CXCL13: variants seen among roughly 807,000 people sequenced by gnomAD.
The protein encoded by CXCL13 is C-X-C motif chemokine ligand 13.
Under a neutral mutation model 12.2 loss-of-function variants are expected in CXCL13, and 7 were observed. That is an observed-to-expected ratio of 0.57 (90% confidence interval 0.33 to 1.07). The LOEUF (loss-of-function observed/expected upper bound fraction) is 1.07. Among genes scored for constraint, CXCL13 ranks in the 50% least tolerant of loss-of-function variants. The pLI is 0.04. For missense variants in CXCL13, 113 were observed against 127.4 expected (o/e 0.89, Z 0.55); for synonymous variants, 47 against 42.4 (o/e 1.11, Z -0.42).
At chr4:77,584,114 T>C (rs1206524582) in intron 1 of CXCL13, among the ~76,000 whole-genome samples, 3 of 152,178 alleles carry the variant, frequency 2.0e-5, no homozygotes, top group African/African-American at 7.2e-5. Flanking sequence ...TTTAGGACAT[T>C]GCATTCAAGT....
At chr4:77,560,328 A>G (rs530920225) in intron 1 of CXCL13, among the ~76,000 whole-genome samples, 3 of 152,320 alleles carry the variant, frequency 2.0e-5, no homozygotes, top group East Asian at 3.9e-4. Context: ...TCCAAAGTCA[A>G]TCTTAGTAAT....
At chr4:77,585,561 C>T (rs1490780715) in intron 1 of CXCL13, among the ~76,000 whole-genome samples, 1 of 152,192 alleles carries the variant, frequency 6.6e-6, no homozygotes. Context: ...CTGCCGTTAG[C>T]TCTGTGCTTG....
chr4:77,530,913 G>T (rs1013985731), intron 1 of CXCL13, among the ~76,000 whole-genome samples: 3 of 151,716 alleles, frequency 2.0e-5, no homozygotes, highest in African/African-American at 7.3e-5. Flanking sequence ...TGGGCATTTA[G>T]TGCTATAAAT....
intron 1 of CXCL13, among the ~76,000 whole-genome samples, chr4:77,546,868 T>A (rs1449283862): frequency 6.6e-6 from 1 of 152,252 alleles, no homozygotes; most frequent in Admixed American, 6.5e-5. Context: ...CTTTCTCTTA[T>A]GGGCATTTAG....
chr4:77,548,720 G>A (rs958307434), intron 1 of CXCL13, among the ~76,000 whole-genome samples: 3 of 152,196 alleles, frequency 2.0e-5, no homozygotes, highest in African/African-American at 7.2e-5. Context: ...AATCTGATGG[G>A]CTTCCCTTTG....
chr4:77,581,170 G>C (rs1487177559), intron 1 of CXCL13, among the ~76,000 whole-genome samples: 2 of 152,272 alleles, frequency 1.3e-5, no homozygotes, highest in East Asian at 1.9e-4. Flanking sequence ...TAAATGCTCT[G>C]TGGTGATGGT....
At chr4:77,522,155 G>T (rs191450819) in intron 1 of CXCL13, among the ~76,000 whole-genome samples, 1 of 152,240 alleles carries the variant, frequency 6.6e-6, no homozygotes, top group Non-Finnish European at 1.5e-5. Context: ...TGGTATAAGG[G>T]CAATGTGGTG....
At chr4:77,530,972 G>T (rs1192057424) in intron 1 of CXCL13, among the ~76,000 whole-genome samples, 1 of 151,530 alleles carries the variant, frequency 6.6e-6, no homozygotes, top group Non-Finnish European at 1.5e-5. Flanking sequence ...CTGGTATCTT[G>T]TGTCTTTGTT....
chr4:77,608,166 C>T (rs929282358), intron 2 of CXCL13, among the ~76,000 whole-genome samples: 1 of 152,112 alleles, frequency 6.6e-6, no homozygotes, highest in African/African-American at 2.4e-5. Flanking sequence ...AGTGGCCAGG[C>T]GTGGTGGCTC....
At chr4:77,583,242 A>G (rs947559695) in intron 1 of CXCL13, among the ~76,000 whole-genome samples, 5 of 152,186 alleles carry the variant, frequency 3.3e-5, no homozygotes, top group African/African-American at 1.2e-4. Context: ...CACTTGAATA[A>G]ATTTAGGCCC....
intron 1 of CXCL13, among the ~76,000 whole-genome samples, chr4:77,566,150 G>A (rs1437447041): frequency 6.6e-6 from 1 of 152,174 alleles, no homozygotes; most frequent in African/African-American, 2.4e-5. Flanking sequence ...TCTAATAAAA[G>A]TATGTGTCAG....
intron 1 of CXCL13, among the ~76,000 whole-genome samples, chr4:77,562,500 C>T (rs1467978806): frequency 6.6e-6 from 1 of 152,036 alleles, no homozygotes; most frequent in Non-Finnish European, 1.5e-5. Context: ...TTTGTGAATG[C>T]ACCAATCAGC....
At chr4:77,567,408 G>C (rs1725965253) in intron 1 of CXCL13, among the ~76,000 whole-genome samples, 1 of 152,292 alleles carries the variant, frequency 6.6e-6, no homozygotes, top group Middle Eastern at 3.4e-3. Flanking sequence ...TTCATTTAAA[G>C]TTAAGAGTGG....
At chr4:77,606,757 G>C (rs950179664) in intron 1 of CXCL13, among the ~76,000 whole-genome samples, 5 of 152,272 alleles carry the variant, frequency 3.3e-5, no homozygotes, top group African/African-American at 1.2e-4. Flanking sequence ...TGGTATTTTA[G>C]TTTTTGTTTG....
intron 1 of CXCL13, among the ~76,000 whole-genome samples, chr4:77,543,829 T>C (rs574505880): frequency 3.3e-5 from 5 of 152,160 alleles, no homozygotes; most frequent in African/African-American, 4.8e-5. Flanking sequence ...ACATGTGCCA[T>C]GTTGGTGTGC....
chr4:77,581,390 T>C (rs1277994751), intron 1 of CXCL13, among the ~76,000 whole-genome samples: 1 of 152,196 alleles, frequency 6.6e-6, no homozygotes, highest in Non-Finnish European at 1.5e-5. Context: ...AAAACAGTTG[T>C]CAAAGTTTAA....
chr4:77,610,784 T>C, intron 3 of CXCL13, 90 bp downstream of exon 3: 1 of 1,036,984 alleles, frequency 9.6e-7, no homozygotes, highest in Non-Finnish European at 1.5e-6. Flanking sequence ...CTAGCTTGAA[T>C]TTATGAGAAG....
At chr4:77,600,902 C>T (rs188882814), upstream of CXCL13, among the ~76,000 whole-genome samples, 1 of 152,232 alleles carries the variant, frequency 6.6e-6, no homozygotes, top group East Asian at 1.9e-4. Context: ...TCAAAAAAAT[C>T]TCAAACCTCA....
rs183842384 is a variant in CXCL13 at position 77,608,279 on chromosome 4, A to G, written c.197+444A>G. 9.6e-4 allele frequency among the ~76,000 whole-genome samples: 146 copies of G among 152,248 alleles called. 4 individuals are homozygous for G. The East Asian group carries it at 0.023, about 24-fold the overall frequency. ...AACATGGAGAAACCCCGTCTCTACT[A>G]AAAATACAAAATTAGCCGGGTGTGG... On this transcript the variant is annotated intron_variant, in intron 2 of 3. Transcript: ENST00000682537.
Sources: allele counts gnomAD v4.1 joint callset (sites outside exome capture counted in the v4.1 genomes callset), GRCh38; gene constraint gnomAD v4.1.1; transcripts MANE v1.5; gene names NCBI Gene and HGNC (gene_info 2026-07-23, HGNC 2026-07-21).